Variants in MAST4 observed in about 807,000 individuals in gnomAD.
MAST4 encodes the protein microtubule associated serine/threonine kinase family member 4, also known as microtubule-associated serine/threonine-protein kinase 4.
MAST4 carries 89 observed loss-of-function variants against 162.7 expected under a neutral mutation model. The observed-to-expected ratio is 0.55, with a 90% CI of 0.46 to 0.65. The LOEUF (loss-of-function observed/expected upper bound fraction) is 0.65. MAST4 is among the 30% of genes least tolerant of loss of function. The probability of loss-of-function intolerance (pLI) is 0.00; values close to 1 mark genes in which losing one functional copy is unlikely to be tolerated. For synonymous variants in MAST4, 1,479 were observed against 1,361.1 expected, an observed-to-expected ratio of 1.09 and a Z score of -1.91; for missense variants, 3,153 against 3,374.0, an observed-to-expected ratio of 0.93 and a Z score of 1.62.
intron 3 of MAST4, among the ~76,000 whole-genome samples, chr5:66,893,713 A>G (rs532178079): frequency 6.6e-6 from 1 of 152,328 alleles, no homozygotes; most frequent in African/African-American, 2.4e-5. Context: ...TTGACTGTTC[A>G]GGCATTTCTA....
chr5:66,986,616 A>T lies in MAST4; in HGVS notation c.675-67788A>T, dbSNP rs3073601. ...TGTATGAATTTATATATATATATAT[A>T]TATTTATTTATTTATTTATTTTGAG... On this transcript the variant is annotated intron_variant, in intron 4 of 28. Transcript: ENST00000403625. The T allele has an allele frequency of 7.2e-4, 144 of 199,608 alleles. 1 individual carries two copies. Among genetic ancestry groups the T allele is most frequent in the South Asian group, 5.9e-3 (33 of 5,638 alleles). The allele number at this position is 199,608 out of a possible 1,614,324, so 12.4% of individuals were successfully genotyped here. A position where few individuals can be genotyped will look rare whatever the true frequency, so the allele number is the denominator to read the frequency against.
intron 4 of MAST4, among the ~76,000 whole-genome samples, chr5:67,007,628 A>T (rs1312747373): frequency 1.3e-5 from 2 of 152,238 alleles, no homozygotes; most frequent in Non-Finnish European, 2.9e-5. Flanking sequence ...ATGAATGAGC[A>T]TCTTAGAACT....
At position 66,826,571 on chromosome 5, in the gene MAST4, G is replaced by A. The variant is rs369413036; in HGVS notation, c.642+37777G>A. Among the ~76,000 whole-genome samples, 5 of 151,956 alleles carry A rather than the reference G, an allele frequency of 3.3e-5. No individual in the cohort carries two copies. In the East Asian group the frequency reaches 9.6e-4, roughly 29 times the overall value. ...TTGTTCTCCTGATGACCCGATTTGT[G>A]TTTCAAGGGGAAAACTGGTTTGTCC... On this transcript the variant is annotated intron_variant, in intron 3 of 28. Transcript: ENST00000403625.
intron 5 of MAST4, among the ~76,000 whole-genome samples, chr5:67,084,508 T>C (rs1303858980): frequency 2.0e-5 from 3 of 152,170 alleles, no homozygotes; most frequent in Non-Finnish European, 4.4e-5. Context: ...TAATAATTAT[T>C]AAAGTAGAAA....
At chr5:67,084,653 AAGAG>A (rs1375384990) in intron 5 of MAST4, among the ~76,000 whole-genome samples, 1 of 152,164 alleles carries the variant, frequency 6.6e-6, no homozygotes, top group African/African-American at 2.4e-5. Context: ...TATTTAGAGA[AAGAG>A]AGAAATGGAA....
At chr5:67,075,261 C>A (rs570288991) in intron 5 of MAST4, among the ~76,000 whole-genome samples, 2 of 149,974 alleles carry the variant, frequency 1.3e-5, no homozygotes, top group South Asian at 4.3e-4. Context: ...GCTTTGAACT[C>A]CTCAGGCTCA....
At chr5:66,966,870 T>G (rs887004849) in intron 4 of MAST4, among the ~76,000 whole-genome samples, 3 of 152,204 alleles carry the variant, frequency 2.0e-5, no homozygotes, top group Non-Finnish European at 4.4e-5. Context: ...ATTAGTGACT[T>G]GAACCCCAAA....
At chr5:67,042,080 T>C (rs913047392) in intron 4 of MAST4, among the ~76,000 whole-genome samples, 8 of 152,236 alleles carry the variant, frequency 5.3e-5, no homozygotes, top group African/African-American at 1.9e-4. Context: ...AAAACAGAAC[T>C]GTCTCTTCCT....
At chr5:66,902,924 C>A (rs1427968399) in intron 4 of MAST4, among the ~76,000 whole-genome samples, 1 of 152,138 alleles carries the variant, frequency 6.6e-6, no homozygotes, top group Non-Finnish European at 1.5e-5. Flanking sequence ...CCCCCTCCTT[C>A]CAGCTACCTG....
intron 4 of MAST4, among the ~76,000 whole-genome samples, chr5:67,019,002 G>A (rs545810369): frequency 1.3e-5 from 2 of 152,228 alleles, no homozygotes; most frequent in South Asian, 2.1e-4. Context: ...TATTTTTCCT[G>A]TCTGCATGTG....
Position 66,596,551 on chromosome 5 carries a change from G to T in MAST4, c.-105G>T, listed in dbSNP as rs1253424770. ...CGGGGCTCCCTGCAGCCCGGGAGCGGCAGTGCCAGTGAGCCTGAGCCCAGG... is the reference window on the plus strand; with the variant it reads ...CGGGGCTCCCTGCAGCCCGGGAGCGTCAGTGCCAGTGAGCCTGAGCCCAGG... On this transcript the variant is annotated 5_prime_UTR_variant, in exon 1 of 29. Transcript: ENST00000403625. The T allele has an allele frequency of 2.0e-5, 25 of 1,244,844 alleles. No homozygotes were observed. The Admixed American group carries it at 1.0e-3, about 50-fold the overall frequency. 77.1% of individuals were successfully genotyped at this position (1,244,844 alleles called of 1,614,324 possible).
chr5:66,748,011 A>T (rs1000197411), intron 1 of MAST4, among the ~76,000 whole-genome samples: 4 of 152,166 alleles, frequency 2.6e-5, no homozygotes, highest in Non-Finnish European at 5.9e-5. Context: ...TGGACATAGG[A>T]CATGCTATGC....
At chr5:66,676,065 ACACT>A (rs1747926155) in intron 1 of MAST4, among the ~76,000 whole-genome samples, 1 of 152,210 alleles carries the variant, frequency 6.6e-6, no homozygotes, top group African/African-American at 2.4e-5. Context: ...ATTTTTGGAC[ACACT>A]CAAGAATGCT....
rs78918550 is a variant in MAST4, at chr5:66,749,733, T to C, written c.364-9976T>C. ...ACCCCAGTAGATAGATATTTATTGT[T>C]ACTAACATCTCATGGTTGAGGAAAC... is the stretch of plus-strand genomic sequence containing the variant. On this transcript the variant is annotated intron_variant, in intron 1 of 28. Transcript: ENST00000403625. Among the ~76,000 whole-genome samples, 1,050 of 152,318 alleles carry C rather than the reference T, an allele frequency of 6.9e-3. 13 individuals are homozygous for C. The highest frequency in any genetic ancestry group is 0.023 in the African/African-American group (973 of 41,566).
At chr5:67,017,887 G>A (rs1472097060) in intron 4 of MAST4, among the ~76,000 whole-genome samples, 3 of 151,994 alleles carry the variant, frequency 2.0e-5, no homozygotes, top group Non-Finnish European at 4.4e-5. Flanking sequence ...GTGAACCACC[G>A]CACCCGGCCA....
chr5:66,685,156 G>A (rs1452748114), intron 1 of MAST4, among the ~76,000 whole-genome samples: 1 of 152,018 alleles, frequency 6.6e-6, no homozygotes, highest in Non-Finnish European at 1.5e-5. Flanking sequence ...CAACTACTTG[G>A]GGAGGCTGAG....
intron 1 of MAST4, among the ~76,000 whole-genome samples, chr5:66,677,699 G>A (rs946970220): frequency 6.6e-6 from 1 of 152,174 alleles, no homozygotes; most frequent in Non-Finnish European, 1.5e-5. Context: ...AAGAAGTGAT[G>A]TTTAAACCAT....
At chr5:66,865,097 G>A (rs767330946) in intron 3 of MAST4, among the ~76,000 whole-genome samples, 29 of 152,330 alleles carry the variant, frequency 1.9e-4, no homozygotes, top group Non-Finnish European at 3.2e-4. Context: ...AGAGCCACTG[G>A]GTAGATGGTG....
At chr5:66,830,626 C>T (rs1162312923) in intron 3 of MAST4, among the ~76,000 whole-genome samples, 1 of 152,190 alleles carries the variant, frequency 6.6e-6, no homozygotes, top group African/African-American at 2.4e-5. Context: ...TCTGCCACTT[C>T]ATGGTTACAA....
Sources: gnomAD v4.1 joint callset for allele counts (sites outside exome capture counted in the v4.1 genomes callset) on GRCh38, gnomAD v4.1.1 for gene constraint, MANE v1.5 for transcripts, NCBI Gene and HGNC (gene_info 2026-07-23, HGNC 2026-07-21) for gene names.